The following COLEC12 variants were observed in gnomAD, a reference collection of about 807,000 sequenced individuals.
COLEC12 encodes the protein collectin-12.
A neutral mutation model predicts 71.1 loss-of-function variants in COLEC12; 33 were observed. The observed-to-expected ratio is 0.46, with a 90% CI of 0.35 to 0.62. The LOEUF is 0.62. Among genes scored for constraint, COLEC12 ranks in the 20% least tolerant of loss-of-function variants. The probability of loss-of-function intolerance (pLI) is 0.00; values close to 1 mark genes in which losing one functional copy is unlikely to be tolerated. For missense variants in COLEC12, 765 were observed against 916.1 expected (o/e 0.84, Z 2.13); for synonymous variants, 350 against 353.0 (o/e 0.99, Z 0.10).
rs568519864 is a variant in COLEC12, at chr18:346,024, C to T, written c.1327+271G>A. ...TTCACACAGCAAGGAACTGAGGCCT[C>T]CTGCCAAGAGCTATGTGAACAGGCC... On this transcript the variant is annotated intron_variant, in intron 5 of 9. Transcript: ENST00000400256. The surrounding 1 kb of genome is among the most constrained non-coding windows in gnomAD (Gnocchi z 4.0). 6.6e-6 allele frequency among the ~76,000 whole-genome samples: 1 copy of T among 152,306 alleles called. No individual in the cohort carries two copies. Among genetic ancestry groups the T allele is most frequent in the East Asian group, 1.9e-4 (1 of 5,174 alleles).
intron 2 of COLEC12, among the ~76,000 whole-genome samples, chr18:368,603 G>A (rs774995927): frequency 9.2e-5 from 14 of 151,886 alleles, no homozygotes; most frequent in Non-Finnish European, 1.5e-4. Context: ...GGTGGCTCAG[G>A]CCTGTAATCC....
intron 2 of COLEC12, among the ~76,000 whole-genome samples, chr18:375,485 T>A (rs1176355117): frequency 1.3e-5 from 2 of 152,192 alleles, no homozygotes; most frequent in African/African-American, 2.4e-5. Context: ...CCTTTCTTGT[T>A]TATTTTATGT....
At chr18:441,052 T>C (rs932719207) in intron 2 of COLEC12, among the ~76,000 whole-genome samples, 14 of 149,470 alleles carry the variant, frequency 9.4e-5, no homozygotes, top group African/African-American at 2.9e-4. Flanking sequence ...ATGGAGACCA[T>C]CCTGGCTAAC....
In COLEC12 at chr18:358,583, G is replaced by A. The variant is rs529670049; in HGVS notation, c.59-1061C>T. ...TGCTGCCACTGATCTGACAGGAGGC[G>A]GAGCTCAGGTGGTCATGCAAGTGAT... On this transcript the variant is annotated intron_variant, in intron 2 of 9. Transcript: ENST00000400256. 4.2e-3 allele frequency among the ~76,000 whole-genome samples: 633 copies of A among 152,236 alleles called. 1 individual carries two copies. The highest frequency in any genetic ancestry group is 6.5e-3 in the Non-Finnish European group (441 of 68,020).
At chr18:385,349 G>A (rs1355151285) in intron 2 of COLEC12, among the ~76,000 whole-genome samples, 1 of 125,776 alleles carries the variant, frequency 8.0e-6, no homozygotes, top group Admixed American at 9.3e-5. Flanking sequence ...TTTTGAGACA[G>A]AGTCTCGCTC....
intron 2 of COLEC12, among the ~76,000 whole-genome samples, chr18:357,918 A>T (rs1460586018): frequency 6.6e-6 from 1 of 152,214 alleles, no homozygotes; most frequent in African/African-American, 2.4e-5. Flanking sequence ...GCTGCACAGC[A>T]GGAGTTGAGT....
chr18:436,975 T>C (rs1482325912), intron 2 of COLEC12, among the ~76,000 whole-genome samples: 2 of 152,222 alleles, frequency 1.3e-5, no homozygotes, highest in African/African-American at 4.8e-5. Context: ...CAGAAATGTC[T>C]AGTTCATAAC....
chr18:460,506 T>C (rs955660027), intron 2 of COLEC12, among the ~76,000 whole-genome samples: 19 of 152,314 alleles, frequency 1.2e-4, no homozygotes, highest in African/African-American at 4.6e-4. Flanking sequence ...TTTTGAATCA[T>C]GATATCACTA....
chr18:362,129 C>T lies in COLEC12; in HGVS notation c.59-4607G>A, dbSNP rs1458487946. On this transcript the variant is annotated intron_variant, in intron 2 of 9. Transcript: ENST00000400256. The surrounding 1 kb of genome is among the most constrained non-coding windows in gnomAD (Gnocchi z 4.6). ...CTTCCCCGTGAGCTAGCCCTGTGGC[C>T]GCCAGGCATCTGGTGCATGTGGTAT... 6.6e-6 allele frequency among the ~76,000 whole-genome samples: 1 copy of T among 152,176 alleles called. No individual in the cohort carries two copies. Among genetic ancestry groups the T allele is most frequent in the Non-Finnish European group, 1.5e-5 (1 of 68,040 alleles).
In COLEC12 at chr18:440,535, G is replaced by A. The variant is rs543852588; in HGVS notation, c.58+40172C>T. On this transcript the variant is annotated intron_variant, in intron 2 of 9. Transcript: ENST00000400256. Reference sequence around the variant, plus strand: ...TTGTGAATTATACCTCAACAAAGCCGAAAAAATTCATGAGTTTGGAGAATA... The same window carrying A: ...TTGTGAATTATACCTCAACAAAGCCAAAAAAATTCATGAGTTTGGAGAATA... 5.3e-5 allele frequency among the ~76,000 whole-genome samples: 8 copies of A among 152,140 alleles called. No homozygotes were observed. The South Asian group carries it at 8.3e-4, about 16-fold the overall frequency.
chr18:391,281 A>G (rs1915458174), intron 2 of COLEC12, among the ~76,000 whole-genome samples: 1 of 152,210 alleles, frequency 6.6e-6, no homozygotes, highest in Admixed American at 6.5e-5. Context: ...GCAGGTGCCA[A>G]CTGGAATGCG....
intron 3 of COLEC12, among the ~76,000 whole-genome samples, chr18:348,560 C>T (rs1194059738): frequency 6.6e-6 from 1 of 152,148 alleles, no homozygotes; most frequent in Non-Finnish European, 1.5e-5. Flanking sequence ...CATCAGCTTC[C>T]CTAACATTCT....
At position 382,258 on chromosome 18, in the gene COLEC12, T is replaced by C. The variant is rs561873764; in HGVS notation, c.59-24736A>G. 1.0e-3 allele frequency among the ~76,000 whole-genome samples: 157 copies of C among 152,238 alleles called. 1 individual carries two copies. The highest frequency in any genetic ancestry group is 2.1e-3 in the Non-Finnish European group (146 of 68,032). On this transcript the variant is annotated intron_variant, in intron 2 of 9. Coordinates refer to ENST00000400256, the MANE Select transcript of COLEC12 (RefSeq NM_130386.3). ...ATAATTCACCCTTCCTGTGTTAAGT[T>C]AGGGAGTCCCTGTATAAATCAGATA... is the stretch of plus-strand genomic sequence containing the variant.
intron 6 of COLEC12, 169 bp from the exon 7 acceptor site, chr18:333,312 C>A (rs1914027240): frequency 1.8e-6 from 1 of 566,014 alleles, no homozygotes; most frequent in Non-Finnish European, 3.1e-6. Flanking sequence ...CAAGCATGAC[C>A]CAAAGTGGAC....
chr18:495,544 A>G (rs866458936), intron 1 of COLEC12, among the ~76,000 whole-genome samples: 4 of 152,336 alleles, frequency 2.6e-5, no homozygotes, highest in South Asian at 2.1e-4. Context: ...CAGGGAAGCA[A>G]TCCTGAAATC....
chr18:335,010 C>A lies in COLEC12; in HGVS notation c.1548G>T (p.Lys516Asn). ...CCCCACTGGAGCCCTGAGGGCCGGGCTTCCCAGGGGAACCACGGGAGCCTT... is the reference window on the plus strand; with the variant it reads ...CCCCACTGGAGCCCTGAGGGCCGGGATTCCCAGGGGAACCACGGGAGCCTT... Reference protein sequence around the residue: ...GPKGSRGSPGKPGPQGSSGDP... With the variant: ...GPKGSRGSPGNPGPQGSSGDP... The change falls in exon 6 of 10, where the codon AAG becomes AAT. Residue 516 changes from lysine (K) to asparagine (N), a missense_variant. By Grantham distance (94) the Lys-to-Asn change is moderately conservative. Coordinates refer to ENST00000400256, the MANE Select transcript of COLEC12 (RefSeq NM_130386.3). The A allele has an allele frequency of 3.2e-6, 5 of 1,585,378 alleles. No individual in the cohort carries two copies. The highest frequency in any genetic ancestry group is 4.3e-6 in the Non-Finnish European group (5 of 1,170,924).
At chr18:467,487 T>C (rs1225491471) in intron 2 of COLEC12, among the ~76,000 whole-genome samples, 1 of 152,260 alleles carries the variant, frequency 6.6e-6, no homozygotes, top group Non-Finnish European at 1.5e-5. Context: ...GGTGGGTTTA[T>C]GTTTTTTGTC....
chr18:462,489 T>G (rs1917002087), intron 2 of COLEC12, among the ~76,000 whole-genome samples: 1 of 152,056 alleles, frequency 6.6e-6, no homozygotes, highest in Admixed American at 6.6e-5. Context: ...AGAAAGTAGC[T>G]TAGTGGTGGC....
At chr18:482,372 C>T (rs142204527) in intron 1 of COLEC12, among the ~76,000 whole-genome samples, 5,126 of 152,116 alleles carry the variant, frequency 0.034, 117 homozygotes, top group South Asian at 0.076. Context: ...CCTCAGCCTC[C>T]CAAAGTGCTG....
Sources: allele counts gnomAD v4.1 joint callset (sites outside exome capture counted in the v4.1 genomes callset), GRCh38; gene constraint gnomAD v4.1.1; non-coding constraint Gnocchi (gnomAD v3.1); transcripts MANE v1.5; gene names NCBI Gene and HGNC (gene_info 2026-07-23, HGNC 2026-07-21).